The following BBS9 variants were observed in gnomAD, a reference collection of about 807,000 sequenced individuals.
BBS9 encodes the protein protein PTHB1.
A neutral mutation model predicts 117.7 loss-of-function variants in BBS9; 89 were observed. The ratio of observed to expected loss-of-function variants is 0.76; its 90% confidence interval spans 0.64 to 0.90. The LOEUF (loss-of-function observed/expected upper bound fraction) is 0.90. BBS9 is among the 40% of genes least tolerant of loss of function. The pLI is 0.00. For missense variants in BBS9, 982 were observed against 1,042.2 expected (o/e 0.94, Z 0.80); for synonymous variants, 379 against 370.9 (o/e 1.02, Z -0.25).
intron 19 of BBS9, among the ~76,000 whole-genome samples, chr7:33,412,323 C>T (rs898698329): frequency 5.9e-5 from 9 of 152,318 alleles, no homozygotes; most frequent in Non-Finnish European, 1.0e-4. Context: ...TCCTGTGCCA[C>T]AGTGCTTAAC....
intron 5 of BBS9, among the ~76,000 whole-genome samples, chr7:33,193,821 A>G (rs1042726678): frequency 2.0e-5 from 3 of 152,156 alleles, no homozygotes; most frequent in African/African-American, 7.2e-5. Flanking sequence ...GCTGAGAGAT[A>G]TTCTTAGATT....
chr7:33,380,391 A>G (rs946712222), intron 17 of BBS9: 3 of 156,300 alleles, frequency 1.9e-5, no homozygotes, highest in Non-Finnish European at 4.3e-5. Flanking sequence ...CACCTTGGAC[A>G]AGGAGGTGGA....
At chr7:33,188,845 G>A (rs1783586389) in intron 5 of BBS9, among the ~76,000 whole-genome samples, 1 of 152,074 alleles carries the variant, frequency 6.6e-6, no homozygotes, top group Non-Finnish European at 1.5e-5. Context: ...TTGTAAAGGG[G>A]TTTGGGCATG....
intron 21 of BBS9, among the ~76,000 whole-genome samples, chr7:33,559,587 T>C (rs935741483): frequency 1.1e-4 from 17 of 152,164 alleles, no homozygotes; most frequent in Admixed American, 9.2e-4. Flanking sequence ...ATTACTCGCA[T>C]GTTCACCTGA....
intron 19 of BBS9, among the ~76,000 whole-genome samples, chr7:33,415,555 A>G (rs186820567): frequency 3.3e-5 from 5 of 152,318 alleles, no homozygotes; most frequent in Admixed American, 2.6e-4. Context: ...TTTCATCTAT[A>G]AAACTGGCAA....
intron 4 of BBS9, among the ~76,000 whole-genome samples, chr7:33,156,448 G>A (rs1172338473): frequency 6.6e-6 from 1 of 152,140 alleles, no homozygotes; most frequent in African/African-American, 2.4e-5. Context: ...CTCCTTTGGA[G>A]CTTGCTGTAA....
At chr7:33,185,139 G>A (rs577330114) in intron 5 of BBS9, among the ~76,000 whole-genome samples, 12 of 152,214 alleles carry the variant, frequency 7.9e-5, no homozygotes, top group African/African-American at 2.6e-4. Flanking sequence ...CACTTTGGTC[G>A]CCATCTTGGT....
intron 5 of BBS9, among the ~76,000 whole-genome samples, chr7:33,195,347 C>T (rs1249429849): frequency 6.6e-6 from 1 of 152,108 alleles, no homozygotes; most frequent in Non-Finnish European, 1.5e-5. Flanking sequence ...TTATTCTAGC[C>T]AACTTCTAAG....
intron 21 of BBS9, among the ~76,000 whole-genome samples, chr7:33,594,865 G>A (rs921325352): frequency 1.3e-5 from 2 of 152,026 alleles, no homozygotes; most frequent in Admixed American, 1.3e-4. Flanking sequence ...TGTCTGCTCA[G>A]TGAGTGCCTT....
At chr7:33,314,156 A>G (rs2128559470) in intron 9 of BBS9, 1 of 328,248 alleles carries the variant, frequency 3.0e-6, no homozygotes, top group African/African-American at 2.2e-5. Context: ...GAAGGGGTTA[A>G]TACAGTGGAA....
intron 20 of BBS9, among the ~76,000 whole-genome samples, chr7:33,530,129 A>G (rs1850343144): frequency 6.6e-6 from 1 of 152,200 alleles, no homozygotes; most frequent in Non-Finnish European, 1.5e-5. Flanking sequence ...CAAAACTCTC[A>G]AAGGCTCTTT....
At chr7:33,572,676 C>A (rs1248773451) in intron 21 of BBS9, among the ~76,000 whole-genome samples, 1 of 152,056 alleles carries the variant, frequency 6.6e-6, no homozygotes, top group African/African-American at 2.4e-5. Flanking sequence ...TTTTGATTTG[C>A]ATTTCTCTGA....
At chr7:33,518,353 C>T (rs1309033826) in intron 20 of BBS9, among the ~76,000 whole-genome samples, 8 of 146,784 alleles carry the variant, frequency 5.5e-5, no homozygotes, top group Admixed American at 7.0e-5. Context: ...CGGGTTCAAA[C>T]GATTCTCCTG....
chr7:33,221,545 T>G (rs1790246501), intron 5 of BBS9, among the ~76,000 whole-genome samples: 1 of 152,210 alleles, frequency 6.6e-6, no homozygotes, highest in Admixed American at 6.5e-5. Context: ...GGTTATGTCC[T>G]TGATTAGAAC....
intron 9 of BBS9, among the ~76,000 whole-genome samples, chr7:33,335,895 TAG>T (rs1441417545): frequency 6.6e-6 from 1 of 151,554 alleles, no homozygotes; most frequent in Non-Finnish European, 1.5e-5. Context: ...ATCCTAAGGG[TAG>T]AGAGGGAAAA....
chr7:33,215,703 A>G (rs1195528982), intron 5 of BBS9, among the ~76,000 whole-genome samples: 2 of 152,156 alleles, frequency 1.3e-5, no homozygotes, highest in Non-Finnish European at 2.9e-5. Context: ...ATTTGCAGCT[A>G]TTTGAATGGA....
chr7:33,501,675 G>C (rs566952743), intron 19 of BBS9, among the ~76,000 whole-genome samples: 2 of 152,176 alleles, frequency 1.3e-5, no homozygotes, highest in South Asian at 4.1e-4. Context: ...AGTGAGGAAC[G>C]TGTGTAAAAG....
intron 7 of BBS9, among the ~76,000 whole-genome samples, chr7:33,269,065 C>T (rs1799309825): frequency 6.6e-6 from 1 of 152,224 alleles, no homozygotes; most frequent in Non-Finnish European, 1.5e-5. Context: ...TACCTATGTT[C>T]ACTAGGCTGT....
intron 21 of BBS9, among the ~76,000 whole-genome samples, chr7:33,589,258 A>T (rs995209565): frequency 6.6e-6 from 1 of 152,162 alleles, no homozygotes; most frequent in African/African-American, 2.4e-5. Context: ...CAGGCAGCAT[A>T]TGCAGCATGG....
Sources: gnomAD v4.1 joint callset for allele counts (sites outside exome capture counted in the v4.1 genomes callset) on GRCh38, gnomAD v4.1.1 for gene constraint, MANE v1.5 for transcripts, NCBI Gene and HGNC (gene_info 2026-07-23, HGNC 2026-07-21) for gene names.